The following PCDH11Y variants were observed in gnomAD, a reference collection of about 807,000 sequenced individuals.
PCDH11Y encodes protocadherin 11 Y-linked, also known as protocadherin-11 Y-linked.
For missense variants in PCDH11Y, 12 were observed against 224.8 expected, an observed-to-expected ratio of 0.05 and a Z score of 6.05; for synonymous variants, 9 against 83.6, an observed-to-expected ratio of 0.11 and a Z score of 4.87.
At chrY:5,704,048 T>C in intron 4 of PCDH11Y, among the ~76,000 whole-genome samples, 2 of 32,061 alleles carry the variant, frequency 6.2e-5, no homozygotes, top group Non-Finnish European at 1.5e-4. Context: ...GGTTTCTCCA[T>C]GTTGGTTATA....
intron 3 of PCDH11Y, among the ~76,000 whole-genome samples, chrY:5,517,541 T>C: frequency 3.0e-5 from 1 of 33,149 alleles, no homozygotes; most frequent in African/African-American, 1.2e-4. Context: ...AATTGGAAGT[T>C]TCTTTCAACA....
chrY:5,454,729 T>C (rs2053296130), intron 2 of PCDH11Y, among the ~76,000 whole-genome samples: 3 of 33,301 alleles, frequency 9.0e-5, no homozygotes, highest in Non-Finnish European at 1.5e-4. Flanking sequence ...CCCTTAGAGC[T>C]GAGACTGGGA....
At chrY:5,295,411 C>G in intron 2 of PCDH11Y, among the ~76,000 whole-genome samples, 1 of 33,098 alleles carries the variant, frequency 3.0e-5, no homozygotes, top group Non-Finnish European at 7.4e-5. Flanking sequence ...GAGTCTTGCT[C>G]TGTTGCCCAG....
At chrY:5,697,596 C>G in intron 4 of PCDH11Y, among the ~76,000 whole-genome samples, 3 of 29,397 alleles carry the variant, frequency 1.0e-4, no homozygotes, top group Non-Finnish European at 1.6e-4. Context: ...TTTTTGATTA[C>G]TGTTTGTTTA....
At chrY:5,702,203 G>A in intron 4 of PCDH11Y, among the ~76,000 whole-genome samples, 1 of 30,426 alleles carries the variant, frequency 3.3e-5, no homozygotes, top group South Asian at 7.7e-4. Context: ...TCTCTCTGTC[G>A]CCCAGGCTGG....
At position 5,312,145 on chromosome Y, in the gene PCDH11Y, C is replaced by T. The variant is rs1482472789; in HGVS notation, c.3130-188912C>T. Among the ~76,000 whole-genome samples the T allele has an allele frequency of 2.1e-4, 7 of 32,963 alleles. No homozygotes were observed. In the East Asian group the frequency reaches 3.2e-3, roughly 15 times the overall value. 88.4% of individuals were successfully genotyped at this position (32,963 alleles called of 37,273 possible). On this transcript the variant is annotated intron_variant, in intron 2 of 4. Coordinates refer to the PCDH11Y transcript ENST00000400457. ...GAACAGATTGAGAGAGCGATATCTC[C>T]GAAACAGTGCTGGATGAATGCCTCA...
Position 5,442,108 on chromosome Y carries a change from T to A in PCDH11Y, c.3130-58949T>A. 1.1e-4 allele frequency among the ~76,000 whole-genome samples: 3 copies of A among 26,560 alleles called. No homozygotes were observed. The South Asian group carries it at 2.9e-3, about 26-fold the overall frequency. 71.3% of individuals were successfully genotyped at this position (26,560 alleles called of 37,273 possible). On this transcript the variant is annotated intron_variant, in intron 2 of 4. Transcript: ENST00000400457. ...ATTACTTTTAAAGAAGTACAAGTAA[T>A]GAAATCATTTGAAATTTCTATTTCT...
intron 3 of PCDH11Y, among the ~76,000 whole-genome samples, chrY:5,502,089 T>C: frequency 7.2e-5 from 2 of 27,675 alleles, no homozygotes; most frequent in African/African-American, 1.4e-4. Context: ...TAAACCAATA[T>C]GAAAAAAAAT....
At chrY:5,371,652 C>CT (rs2053187278) in intron 2 of PCDH11Y, among the ~76,000 whole-genome samples, 1 of 33,239 alleles carries the variant, frequency 3.0e-5, no homozygotes, top group African/African-American at 1.2e-4. Flanking sequence ...AATCCCAGCA[C>CT]TTTGGGAGGC....
At chrY:5,107,550 T>C, downstream of PCDH11Y, among the ~76,000 whole-genome samples, 6 of 32,794 alleles carry the variant, frequency 1.8e-4, no homozygotes, top group African/African-American at 7.3e-4. Flanking sequence ...ACAAAAATAT[T>C]TATTTCCTTA....
At chrY:5,299,910 G>A in intron 2 of PCDH11Y, among the ~76,000 whole-genome samples, 1 of 31,372 alleles carries the variant, frequency 3.2e-5, no homozygotes, top group Non-Finnish European at 7.7e-5. Flanking sequence ...AGGTTCCACA[G>A]CTAGAAACAG....
At chrY:5,734,272 T>G in intron 4 of PCDH11Y, among the ~76,000 whole-genome samples, 1 of 31,920 alleles carries the variant, frequency 3.1e-5, no homozygotes, top group Non-Finnish European at 7.7e-5. Flanking sequence ...CCACAATTTA[T>G]GTCCATGAAA....
intron 1 of PCDH11Y, among the ~76,000 whole-genome samples, chrY:5,061,131 T>G: frequency 9.0e-5 from 3 of 33,209 alleles, no homozygotes; most frequent in Admixed American, 2.8e-4. Context: ...TATGTGACTT[T>G]GATGCGATTA....
intron 2 of PCDH11Y, among the ~76,000 whole-genome samples, chrY:5,484,928 A>C (rs2124686200): frequency 3.0e-5 from 1 of 33,479 alleles, no homozygotes; most frequent in Non-Finnish European, 7.4e-5. Flanking sequence ...TCTGTCCTCG[A>C]AGACAAGTTT....
At chrY:5,353,592 T>C in intron 2 of PCDH11Y, among the ~76,000 whole-genome samples, 2 of 32,889 alleles carry the variant, frequency 6.1e-5, no homozygotes, top group Non-Finnish European at 1.5e-4. Flanking sequence ...AGAAAATAAA[T>C]AAATAAATAA....
At chrY:5,167,357 G>GA (rs2052880453) in intron 2 of PCDH11Y, among the ~76,000 whole-genome samples, 27 of 25,120 alleles carry the variant, frequency 1.1e-3, no homozygotes, top group Non-Finnish European at 1.8e-3. Flanking sequence ...TAGAAAGTAA[G>GA]AAAAAAAAAA....
chrY:5,696,111 A>T lies in PCDH11Y; in HGVS notation c.3353-41161A>T, dbSNP rs1337931482. ...TTAGCTTTTGTTTTGTTTTCTTTGG[A>T]TGATGTTGGTCTCATAGAATTAGTT... On this transcript the variant is annotated intron_variant, in intron 4 of 4. Coordinates refer to the PCDH11Y transcript ENST00000400457. Among the ~76,000 whole-genome samples, 91 of 32,798 alleles carry T rather than the reference A, an allele frequency of 2.8e-3. No individual in the cohort carries two copies. In the East Asian group the frequency reaches 0.059, roughly 21 times the overall value. The allele number at this position is 32,798 out of a possible 37,273, so 88.0% of individuals were successfully genotyped here.
At chrY:5,545,728 T>C in intron 3 of PCDH11Y, among the ~76,000 whole-genome samples, 1 of 32,387 alleles carries the variant, frequency 3.1e-5, no homozygotes, top group Non-Finnish European at 7.7e-5. Flanking sequence ...GTATGGAAAA[T>C]AGTTGCTAAA....
intron 2 of PCDH11Y, among the ~76,000 whole-genome samples, chrY:5,307,064 G>A (rs2053091589): frequency 3.1e-5 from 1 of 32,519 alleles, no homozygotes; most frequent in Non-Finnish European, 7.6e-5. Context: ...TGATAAGATG[G>A]GATAGTTGTA....
Sources: gnomAD v4.1 joint callset for allele counts (sites outside exome capture counted in the v4.1 genomes callset) on GRCh38, gnomAD v4.1.1 for gene constraint, MANE v1.5 for transcripts, NCBI Gene and HGNC (gene_info 2026-07-23, HGNC 2026-07-21) for gene names.